MSMO1: variants seen among roughly 807,000 people sequenced by gnomAD.
The protein encoded by MSMO1 is C-4 methylsterol oxidase.
MSMO1 carries 18 observed loss-of-function variants against 30.4 expected under a neutral mutation model. That is an observed-to-expected ratio of 0.59 (90% CI 0.41 to 0.88). MSMO1 has a LOEUF of 0.88. Among genes scored for constraint, MSMO1 ranks in the 40% least tolerant of loss-of-function variants. MSMO1 has a pLI of 0.00. For synonymous variants in MSMO1, 84 were observed against 107.9 expected (o/e 0.78, Z 1.37); for missense variants, 284 against 340.5 (o/e 0.83, Z 1.31).
In MSMO1 at chr4:165,333,491, T is replaced by G; in HGVS notation, c.121T>G (p.Leu41Val). 1 of 1,613,670 alleles carries G rather than the reference T, an allele frequency of 6.2e-7. No individual in the cohort carries two copies. The highest frequency in any genetic ancestry group is 1.1e-5 in the South Asian group (1 of 91,018). Residue 41 changes from leucine (L) to valine (V), a missense_variant, in exon 2 of 6, where the codon TTG becomes GTG. Transcript: ENST00000261507. ...ATTTAAAAATGCTTGGAACTATATG[T>G]TGAATAATTATACAAAGTTCCAGAT... ...EPFKNAWNYM[L>V]NNYTKFQIAT...
intron 1 of MSMO1, among the ~76,000 whole-genome samples, 172 bp from the exon 2 acceptor site, chr4:165,333,168 A>T (rs1278456142): frequency 6.6e-6 from 1 of 152,206 alleles, no homozygotes; most frequent in Non-Finnish European, 1.5e-5. Context: ...TATCCAGCAA[A>T]TGTTTTAAAA....
intron 1 of MSMO1, among the ~76,000 whole-genome samples, chr4:165,330,281 C>G (rs1358155425): frequency 2.0e-5 from 3 of 152,158 alleles, no homozygotes; most frequent in East Asian, 3.8e-4. Flanking sequence ...ACCTACCTCA[C>G]GAAGGTGTGG....
chr4:165,330,802 A>AT (rs1323543399), intron 1 of MSMO1, among the ~76,000 whole-genome samples: 1 of 152,090 alleles, frequency 6.6e-6, no homozygotes, highest in Non-Finnish European at 1.5e-5. Flanking sequence ...ATTTCAAGCG[A>AT]TTCACCTGAA....
At position 165,327,772 on chromosome 4, in the gene MSMO1, G is replaced by A. The variant is rs1014180309; in HGVS notation, c.-32+8G>A. ...CATCTCGCGGCCGTTCAGGTGAGGG[G>A]GTTGGAGGAGTGGCTCATGAGCGAG... On this transcript the variant is annotated splice_region_variant and intron_variant, in intron 1 of 5. Coordinates refer to ENST00000261507, the MANE Select transcript of MSMO1 (RefSeq NM_006745.5). 1.3e-5 allele frequency: 2 copies of A among 152,422 alleles called. No individual in the cohort carries two copies. The highest frequency in any genetic ancestry group is 4.8e-5 in the African/African-American group (2 of 41,474). 9.4% of individuals were successfully genotyped at this position (152,422 alleles called of 1,614,324 possible).
At chr4:165,341,167 G>C (rs1327564298) in intron 5 of MSMO1, among the ~76,000 whole-genome samples, 1 of 152,066 alleles carries the variant, frequency 6.6e-6, no homozygotes, top group Non-Finnish European at 1.5e-5. Context: ...TGGAAATAAA[G>C]GAGCATACTT....
At chr4:165,331,641 G>A (rs904692693) in intron 1 of MSMO1, among the ~76,000 whole-genome samples, 33 of 152,106 alleles carry the variant, frequency 2.2e-4, no homozygotes, top group Middle Eastern at 3.2e-3. Flanking sequence ...TGGGATAAAA[G>A]GTCAGTTTGA....
At position 165,341,846 on chromosome 4, in the gene MSMO1, A is replaced by G; in HGVS notation, c.782A>G (p.Tyr261Cys). The G allele has an allele frequency of 1.9e-6, 3 of 1,613,304 alleles. No individual in the cohort carries two copies. The highest frequency in any genetic ancestry group is 2.5e-6 in the Non-Finnish European group (3 of 1,179,330). ...CACCACATGAACTTCATTGGAAACT[A>G]TGCTTCAACATTTACATGGTGGGAT... The part of the protein sequence containing the change: ...DFHHMNFIGN[Y>C]ASTFTWWDRI... The change falls in exon 6 of 6, where the codon TAT becomes TGT. Residue 261 changes from tyrosine (Y) to cysteine (C), a missense_variant. Tyr to Cys is a radical substitution (Grantham distance 194). Transcript: ENST00000261507.
At chr4:165,329,625 A>ATTTTTTTTTTTTTTTTTTTTTT (rs1171733863) in intron 1 of MSMO1, among the ~76,000 whole-genome samples, 2 of 68,004 alleles carry the variant, frequency 2.9e-5, no homozygotes, top group African/African-American at 6.6e-5. Context: ...ATCCATAGCG[A>ATTTTTTTTTTTTTTTTTTTTTT]TTTTTTTTTT....
rs1251229545 is a variant in MSMO1, at chr4:165,343,157, C to T, written c.*1211C>T. On this transcript the variant is annotated 3_prime_UTR_variant, in exon 6 of 6. Coordinates refer to ENST00000261507, the MANE Select transcript of MSMO1 (RefSeq NM_006745.5). Reference sequence around the variant, plus strand: ...GAAATCATTAAATTATTAAGTTGTACAATAAAAGGATTGGTTTCTTTTCTT... The same window carrying T: ...GAAATCATTAAATTATTAAGTTGTATAATAAAAGGATTGGTTTCTTTTCTT... The T allele has an allele frequency of 7.0e-6, 1 of 142,118 alleles. No homozygotes were observed. Among genetic ancestry groups the T allele is most frequent in the Non-Finnish European group, 1.5e-5 (1 of 66,258 alleles). 8.8% of individuals were successfully genotyped at this position (142,118 alleles called of 1,614,324 possible). A position where few individuals can be genotyped will look rare whatever the true frequency, so the allele number is the denominator to read the frequency against.
intron 1 of MSMO1, among the ~76,000 whole-genome samples, chr4:165,330,994 A>G (rs1579211828): frequency 6.6e-6 from 1 of 152,196 alleles, no homozygotes; most frequent in African/African-American, 2.4e-5. Context: ...GGAGGCTAGG[A>G]AGGTGTTTAT....
chr4:165,329,707 T>C (rs1386175585), intron 1 of MSMO1, among the ~76,000 whole-genome samples: 1 of 144,636 alleles, frequency 6.9e-6, no homozygotes, highest in Non-Finnish European at 1.5e-5. Context: ...TGATCTCTGC[T>C]CGCTGCAACC....
intron 4 of MSMO1, among the ~76,000 whole-genome samples, chr4:165,339,096 C>CTTGTTTTTTTT (rs1747643025): frequency 1.7e-5 from 1 of 60,508 alleles, no homozygotes; most frequent in African/African-American, 6.7e-5. Context: ...ATGAGCACTG[C>CTTGTTTTTTTT]TTTTTTTTTT....
Position 165,337,888 on chromosome 4 carries a change from T to G in MSMO1, c.355T>G (p.Phe119Val). The G allele has an allele frequency of 1.9e-6, 3 of 1,613,392 alleles. No individual in the cohort carries two copies. The highest frequency in any genetic ancestry group is 1.7e-6 in the Non-Finnish European group (2 of 1,179,546). Residue 119 changes from phenylalanine to valine, a missense_variant, in exon 3 of 6, where the codon TTT (phenylalanine) becomes GTT (valine). By Grantham distance (50) the Phe-to-Val change is conservative. Transcript: ENST00000261507. ...GCCTTTGATTTGTGGAACCTATTAT[T>G]TTACAGAGTATTTCAATATTCCTTA... The part of the protein sequence containing the change: ...QLPLICGTYY[F>V]TEYFNIPYDW...
rs1372775410 is a variant in MSMO1 at position 165,333,476 on chromosome 4, G to T, written c.106G>T (p.Ala36Ser). The part of the protein sequence containing the change: ...ENPLQEPFKN[A>S]WNYMLNNYTK... Reference sequence around the variant, plus strand: ...TCCTCTGCAAGAACCATTTAAAAATGCTTGGAACTATATGTTGAATAATTA... The same window carrying T: ...TCCTCTGCAAGAACCATTTAAAAATTCTTGGAACTATATGTTGAATAATTA... The change falls in exon 2 of 6, where the codon GCT becomes TCT. Residue 36 changes from alanine to serine, a missense_variant. Ala to Ser is a moderately conservative substitution (Grantham distance 99). Coordinates refer to ENST00000261507, the MANE Select transcript of MSMO1 (RefSeq NM_006745.5). The T allele has an allele frequency of 1.2e-6, 2 of 1,613,322 alleles. No homozygotes were observed.
chr4:165,330,196 G>C (rs1256988229), intron 1 of MSMO1, among the ~76,000 whole-genome samples: 1 of 152,184 alleles, frequency 6.6e-6, no homozygotes, highest in Non-Finnish European at 1.5e-5. Flanking sequence ...TTAACATTAA[G>C]CATTAGACTT....
In MSMO1 at chr4:165,342,807, T is replaced by G. The variant is rs923523455; in HGVS notation, c.*861T>G. On this transcript the variant is annotated 3_prime_UTR_variant, in exon 6 of 6. Transcript: ENST00000261507. ...CATTCTAATCTAGAGCTGACCAGTT[T>G]GAGCTGATTCTCTCTTTGAAGAGTC... 1.3e-5 allele frequency: 2 copies of G among 151,930 alleles called. No individual in the cohort carries two copies. Among genetic ancestry groups the G allele is most frequent in the African/African-American group, 4.9e-5 (2 of 41,116 alleles). The allele number at this position is 151,930 out of a possible 1,614,324, so 9.4% of individuals were successfully genotyped here.
chr4:165,333,797 A>C (rs767318389), intron 2 of MSMO1, among the ~76,000 whole-genome samples, 172 bp downstream of exon 2: 1 of 152,248 alleles, frequency 6.6e-6, no homozygotes, highest in Non-Finnish European at 1.5e-5. Flanking sequence ...AAAAAGAAAT[A>C]AGGAAATTAA....
intron 2 of MSMO1, among the ~76,000 whole-genome samples, chr4:165,333,875 A>T (rs1579214136): frequency 6.6e-6 from 1 of 152,330 alleles, no homozygotes; most frequent in East Asian, 1.9e-4. Context: ...CATGCCTGTA[A>T]TTCCAGCACT....
At chr4:165,338,565 A>C in intron 3 of MSMO1, 87 bp from the exon 4 acceptor site, 1 of 1,216,510 alleles carries the variant, frequency 8.2e-7, no homozygotes, top group Non-Finnish European at 1.2e-6. Flanking sequence ...GGTTTTATGT[A>C]ATGTCTCAAG....
Sources: gnomAD v4.1 joint callset for allele counts (sites outside exome capture counted in the v4.1 genomes callset) on GRCh38, gnomAD v4.1.1 for gene constraint, MANE v1.5 for transcripts, NCBI Gene and HGNC (gene_info 2026-07-23, HGNC 2026-07-21) for gene names.